The following NEDD1 variants were observed in gnomAD, a reference collection of about 807,000 sequenced individuals.
NEDD1 encodes NEDD1 gamma-tubulin ring complex targeting factor.
Under a neutral mutation model 74.0 loss-of-function variants are expected in NEDD1, and 33 were observed. The ratio of observed to expected loss-of-function variants is 0.45; its 90% CI spans 0.34 to 0.60. The LOEUF (loss-of-function observed/expected upper bound fraction) is 0.60. Ranked by LOEUF, NEDD1 falls within the 20% of genes least tolerant of loss-of-function variation. The probability of loss-of-function intolerance (pLI) is 0.01; values close to 1 mark genes in which losing one functional copy is unlikely to be tolerated. For missense variants in NEDD1, 746 were observed against 776.5 expected (o/e 0.96, Z 0.47); for synonymous variants, 250 against 264.4 (o/e 0.95, Z 0.53).
At position 96,943,761 on chromosome 12, in the gene NEDD1, A is replaced by C; in HGVS notation, c.1496A>C (p.Gln499Pro). ...GKQESKDSFK[Q>P]LAKLVTSGAE... is the part of the protein sequence containing the mutation. Reference sequence around the variant, plus strand: ...CAGGAATCTAAAGACTCCTTCAAACAGGTATTTGCCTGAAAATGATACTGA... The same window carrying C: ...CAGGAATCTAAAGACTCCTTCAAACCGGTATTTGCCTGAAAATGATACTGA... The change falls in exon 12 of 16, where the codon CAG (glutamine) becomes CCG (proline). Residue 499 changes from glutamine (Q) to proline (P), a missense_variant and splice_region_variant. Coordinates refer to ENST00000266742, the MANE Select transcript of NEDD1 (RefSeq NM_152905.4). 6.3e-7 allele frequency: 1 copy of C among 1,596,934 alleles called. No individual in the cohort carries two copies. The highest frequency in any genetic ancestry group is 8.6e-7 in the Non-Finnish European group (1 of 1,166,152).
chr12:96,923,188 A>G (rs1875298291), intron 6 of NEDD1, among the ~76,000 whole-genome samples: 2 of 151,986 alleles, frequency 1.3e-5, no homozygotes, highest in African/African-American at 4.8e-5. Flanking sequence ...GCTTTGTTGC[A>G]TGGAATAGTA....
chr12:96,937,169 G>C (rs368626327), intron 8 of NEDD1, 29 bp from the exon 9 acceptor site: 19 of 1,332,396 alleles, frequency 1.4e-5, no homozygotes, highest in Non-Finnish European at 6.2e-6. Context: ...TTAGTAACCT[G>C]AGCTTTTAAA....
chr12:96,940,905 TTG>T (rs1877599550), intron 10 of NEDD1, among the ~76,000 whole-genome samples: 1 of 152,088 alleles, frequency 6.6e-6, no homozygotes. Context: ...ATTTAAAAAA[TTG>T]TGTGTGTATA....
chr12:96,922,724 A>G (rs1241447935), intron 6 of NEDD1, among the ~76,000 whole-genome samples: 1 of 152,204 alleles, frequency 6.6e-6, no homozygotes, highest in Non-Finnish European at 1.5e-5. Context: ...ACGTAAATAC[A>G]TTGGTGTAAC....
At chr12:96,931,266 CA>C (rs1592900533) in intron 6 of NEDD1, among the ~76,000 whole-genome samples, 1 of 151,890 alleles carries the variant, frequency 6.6e-6, no homozygotes, top group East Asian at 1.9e-4. Context: ...CTTTTCTAAG[CA>C]TAAATATAAA....
intron 2 of NEDD1, among the ~76,000 whole-genome samples, chr12:96,909,052 G>A (rs1047075371): frequency 6.6e-6 from 1 of 151,730 alleles, no homozygotes; most frequent in East Asian, 2.0e-4. Flanking sequence ...GGTGCATGCC[G>A]GTAATCCCAG....
At chr12:96,925,537 A>G (rs1875600527) in intron 6 of NEDD1, among the ~76,000 whole-genome samples, 1 of 152,170 alleles carries the variant, frequency 6.6e-6, no homozygotes, top group African/African-American at 2.4e-5. Flanking sequence ...TCTTTTGCAT[A>G]TCTAGCTCAG....
At chr12:96,932,489 A>ATATATATATATATAG (rs1201702643) in intron 6 of NEDD1, among the ~76,000 whole-genome samples, 6 of 58,518 alleles carry the variant, frequency 1.0e-4, no homozygotes, top group South Asian at 6.6e-4. Flanking sequence ...TATATATATA[A>ATATATATATATATAG]AATGCACACA....
chr12:96,942,370 C>T (rs1207619286), intron 10 of NEDD1, among the ~76,000 whole-genome samples: 1 of 152,084 alleles, frequency 6.6e-6, no homozygotes, highest in Non-Finnish European at 1.5e-5. Context: ...ATAGAATTAT[C>T]TGTTCATATT....
At chr12:96,923,038 G>A (rs1468194440) in intron 6 of NEDD1, among the ~76,000 whole-genome samples, 2 of 152,064 alleles carry the variant, frequency 1.3e-5, no homozygotes, top group East Asian at 3.9e-4. Context: ...GATCACTTGA[G>A]CCTGGGAGGT....
rs536531802 is a variant in NEDD1, at chr12:96,926,960, C to A, written c.489+6835C>A. 2.7e-5 allele frequency among the ~76,000 whole-genome samples: 4 copies of A among 147,784 alleles called. No individual in the cohort carries two copies. The East Asian group carries it at 8.1e-4, about 30-fold the overall frequency. ...CATGACTGTGCTGCTGCACTCCAGC[C>A]TGGGTGACAGAGCGAAAAAAAAAAA... is the stretch of plus-strand genomic sequence containing the variant. On this transcript the variant is annotated intron_variant, in intron 6 of 15. Transcript: ENST00000266742.
intron 6 of NEDD1, among the ~76,000 whole-genome samples, chr12:96,922,449 C>T (rs1050316909): frequency 6.6e-6 from 1 of 151,992 alleles, no homozygotes; most frequent in Non-Finnish European, 1.5e-5. Flanking sequence ...AAATTTTGGA[C>T]TGACTTTTCA....
intron 6 of NEDD1, among the ~76,000 whole-genome samples, chr12:96,934,057 C>T (rs1876829081): frequency 6.6e-6 from 1 of 152,154 alleles, no homozygotes; most frequent in African/African-American, 2.4e-5. Flanking sequence ...AGTCCATCCC[C>T]AGTCTAGAGT....
intron 6 of NEDD1, among the ~76,000 whole-genome samples, chr12:96,929,918 G>A (rs1876194090): frequency 6.6e-6 from 1 of 152,072 alleles, no homozygotes; most frequent in Non-Finnish European, 1.5e-5. Context: ...ATGCTTTTCT[G>A]TGAATACCTT....
At chr12:96,907,378 C>T (rs1321518402) in intron 1 of NEDD1, 78 bp downstream of exon 1, 1 of 458,698 alleles carries the variant, frequency 2.2e-6, no homozygotes. Context: ...AAGACCCGCT[C>T]CGTCCCCCTC....
At chr12:96,921,409 GACCTCAGGTGATCC>G (rs1875075702) in intron 6 of NEDD1, among the ~76,000 whole-genome samples, 1 of 152,124 alleles carries the variant, frequency 6.6e-6, no homozygotes, top group African/African-American at 2.4e-5. Context: ...TTGGACTCCT[GACCTCAGGTGATCC>G]ACCTCCCTCG....
intron 6 of NEDD1, among the ~76,000 whole-genome samples, chr12:96,926,588 G>A (rs1875722068): frequency 6.7e-6 from 1 of 149,730 alleles, no homozygotes; most frequent in South Asian, 2.1e-4. Flanking sequence ...TTTCCTGCAA[G>A]CAGTACTGCC....
intron 6 of NEDD1, among the ~76,000 whole-genome samples, chr12:96,926,333 T>G (rs1203722703): frequency 1.3e-5 from 2 of 152,166 alleles, no homozygotes; most frequent in African/African-American, 4.8e-5. Context: ...TTTTCCCCTT[T>G]CCCTGGAACA....
At position 96,937,284 on chromosome 12, in the gene NEDD1, G is replaced by C; in HGVS notation, c.1008G>C (p.Gln336His). Residue 336 changes from glutamine to histidine, a missense_variant, in exon 9 of 16, where the codon CAG (glutamine) becomes CAC (histidine). This residue lies in a region of NEDD1 where 706 missense variants were observed against 706.7 expected (regional missense o/e 1.00). Coordinates refer to ENST00000266742, the MANE Select transcript of NEDD1 (RefSeq NM_152905.4). Reference protein sequence around the residue: ...VNVNAASGGVQNSGIVREAPA... With the variant: ...VNVNAASGGVHNSGIVREAPA... Reference sequence around the variant, plus strand: ...TGAATGCTGCTAGTGGAGGAGTTCAGAATTCCGGAATTGTCAGAGAAGCAC... The same window carrying C: ...TGAATGCTGCTAGTGGAGGAGTTCACAATTCCGGAATTGTCAGAGAAGCAC... The C allele has an allele frequency of 1.2e-6, 2 of 1,612,850 alleles. No individual in the cohort carries two copies. The highest frequency in any genetic ancestry group is 8.5e-7 in the Non-Finnish European group (1 of 1,179,136).
Sources: allele counts gnomAD v4.1 joint callset (sites outside exome capture counted in the v4.1 genomes callset), GRCh38; gene constraint gnomAD v4.1.1; regional missense constraint gnomAD v4.1.1; transcripts MANE v1.5; gene names NCBI Gene and HGNC (gene_info 2026-07-23, HGNC 2026-07-21).